Variants in RNF217 observed in about 807,000 individuals in gnomAD.
The protein encoded by RNF217 is ring finger protein 217.
Under a neutral mutation model 57.8 loss-of-function variants are expected in RNF217, and 31 were observed. That is an observed-to-expected ratio of 0.54 (90% CI 0.40 to 0.72). The LOEUF (loss-of-function observed/expected upper bound fraction) is 0.72, where lower values mean the gene tolerates loss of function less well. Ranked by LOEUF, RNF217 falls within the 30% of genes least tolerant of loss-of-function variation. The pLI is 0.00. For synonymous variants in RNF217, 313 were observed against 294.0 expected (o/e 1.06, Z -0.66); for missense variants, 696 against 708.3 (o/e 0.98, Z 0.20).
At chr6:124,998,756 C>T (rs527887402) in intron 1 of RNF217, among the ~76,000 whole-genome samples, 9 of 152,228 alleles carry the variant, frequency 5.9e-5, no homozygotes, top group African/African-American at 1.9e-4. Context: ...AGCCATCGCA[C>T]CACTGCACTC....
intron 1 of RNF217, among the ~76,000 whole-genome samples, chr6:124,981,952 C>T (rs1033566451): frequency 2.1e-5 from 3 of 145,290 alleles, no homozygotes; most frequent in Non-Finnish European, 4.5e-5. Flanking sequence ...CACTTGAACC[C>T]GGGAGGCAGA....
chr6:125,029,358 G>T (rs1786248673), intron 1 of RNF217, among the ~76,000 whole-genome samples: 1 of 151,994 alleles, frequency 6.6e-6, no homozygotes, highest in Non-Finnish European at 1.5e-5. Flanking sequence ...GTTCCTGGGG[G>T]ATATAAAGGA....
intron 2 of RNF217, among the ~76,000 whole-genome samples, chr6:125,056,609 A>G (rs986764326): frequency 2.0e-5 from 3 of 152,216 alleles, no homozygotes; most frequent in Non-Finnish European, 4.4e-5. Context: ...TAGTCTATAT[A>G]GTAGAACCTC....
intron 1 of RNF217, among the ~76,000 whole-genome samples, chr6:124,978,496 G>A (rs1218075451): frequency 6.6e-6 from 1 of 151,646 alleles, no homozygotes; most frequent in East Asian, 1.9e-4. Context: ...GGAGCCCCAA[G>A]GGGGGTTACA....
chr6:125,090,686 A>G lies in RNF217; in HGVS notation c.*7749A>G, dbSNP rs1329039253. 2 of 151,888 alleles carry G rather than the reference A, an allele frequency of 1.3e-5. No homozygotes were observed. The highest frequency in any genetic ancestry group is 2.9e-5 in the Non-Finnish European group (2 of 67,864). The allele number at this position is 151,888 out of a possible 1,614,324, so 9.4% of individuals were successfully genotyped here. On this transcript the variant is annotated 3_prime_UTR_variant, in exon 6 of 6. Transcript: ENST00000521654. ...ACCAGATCTTGTCCATCATTTCATTAGATTGCATATTTTTAGTTTTCTATA... is the reference window on the plus strand; with the variant it reads ...ACCAGATCTTGTCCATCATTTCATTGGATTGCATATTTTTAGTTTTCTATA...
At chr6:125,026,850 A>G (rs1051692804) in intron 1 of RNF217, among the ~76,000 whole-genome samples, 5 of 152,166 alleles carry the variant, frequency 3.3e-5, no homozygotes, top group Admixed American at 1.3e-4. Context: ...AATTAAAATG[A>G]ACTGTGATAT....
chr6:125,073,311 G>T (rs1788221229), intron 3 of RNF217, among the ~76,000 whole-genome samples: 1 of 152,096 alleles, frequency 6.6e-6, no homozygotes, highest in Non-Finnish European at 1.5e-5. Context: ...TGATAAACAT[G>T]AACAACAGAG....
chr6:125,052,753 A>G (rs115882461), intron 2 of RNF217, among the ~76,000 whole-genome samples: 157 of 152,210 alleles, frequency 1.0e-3, no homozygotes, highest in African/African-American at 3.6e-3. Flanking sequence ...TCTTCAAGAA[A>G]AGCATCTTCA....
Position 124,965,137 on chromosome 6 carries a change from AGTG to A in RNF217, c.882+1714_882+1716del, listed in dbSNP as rs564250541. On this transcript the variant is annotated intron_variant, in intron 1 of 5. Coordinates refer to ENST00000521654, the MANE Select transcript of RNF217 (RefSeq NM_001286398.3). ...GTAGGGAGACAGAGGGACATAGTCA[AGTG>A]GTCATTGCAGTGTACAGTACAACCA... is the stretch of plus-strand genomic sequence containing the variant. 2.5e-3 allele frequency among the ~76,000 whole-genome samples: 374 copies of A among 152,348 alleles called. 1 individual carries two copies. Among genetic ancestry groups the A allele is most frequent in the African/African-American group, 8.4e-3 (351 of 41,576 alleles).
Position 125,076,680 on chromosome 6 carries a change from A to T in RNF217, c.1305A>T (p.Gly435=). Residue 435 remains glycine, a synonymous_variant, in exon 4 of 6, where the codon GGA becomes GGT. Coordinates refer to ENST00000521654, the MANE Select transcript of RNF217 (RefSeq NM_001286398.3). ...AGATCCACATCCAGCGAACTGAAGG[A>T]TGTGACCATATGACCTGCTCACAAT... The part of the protein sequence containing the change: ...KCKIHIQRTE[G]CDHMTCSQCN... The T allele has an allele frequency of 6.2e-7, 1 of 1,611,344 alleles. No homozygotes were observed. The highest frequency in any genetic ancestry group is 1.1e-5 in the South Asian group (1 of 91,022).
intron 1 of RNF217, among the ~76,000 whole-genome samples, chr6:124,976,742 T>A (rs545387155): frequency 6.1e-5 from 9 of 147,598 alleles, no homozygotes; most frequent in African/African-American, 1.8e-4. Context: ...TGGCCTCAAG[T>A]GATCCACCTG....
Position 125,070,789 on chromosome 6 carries a change from T to C in RNF217, c.1282-5868T>C, listed in dbSNP as rs527246879. ...CAAAAGTCATTGAAGGAAACACATATATAAAAATACTTTCAAAAATGAATT... is the reference window on the plus strand; with the variant it reads ...CAAAAGTCATTGAAGGAAACACATACATAAAAATACTTTCAAAAATGAATT... On this transcript the variant is annotated intron_variant, in intron 3 of 5. Coordinates refer to ENST00000521654, the MANE Select transcript of RNF217 (RefSeq NM_001286398.3). Among the ~76,000 whole-genome samples, 176 of 152,330 alleles carry C rather than the reference T, an allele frequency of 1.2e-3. 1 individual carries two copies. The highest frequency in any genetic ancestry group is 1.9e-3 in the Non-Finnish European group (127 of 68,022).
chr6:124,988,265 T>C (rs1391792627), intron 1 of RNF217, among the ~76,000 whole-genome samples: 1 of 152,136 alleles, frequency 6.6e-6, no homozygotes, highest in Non-Finnish European at 1.5e-5. Flanking sequence ...CAGTCCCTAG[T>C]GCCAAAAAGG....
At chr6:125,021,190 A>C (rs1053403229) in intron 1 of RNF217, among the ~76,000 whole-genome samples, 4 of 152,150 alleles carry the variant, frequency 2.6e-5, no homozygotes, top group African/African-American at 7.2e-5. Flanking sequence ...GTGGAGTTTA[A>C]CTGTGGTTCC....
intron 1 of RNF217, among the ~76,000 whole-genome samples, chr6:125,034,544 C>T (rs1010935045): frequency 5.3e-5 from 8 of 151,946 alleles, no homozygotes; most frequent in African/African-American, 1.7e-4. Context: ...TGTTCTGTTC[C>T]ATTGATCTAT....
chr6:124,976,408 A>G (rs903235711), intron 1 of RNF217, among the ~76,000 whole-genome samples: 1 of 152,046 alleles, frequency 6.6e-6, no homozygotes, highest in African/African-American at 2.4e-5. Flanking sequence ...AGCTGGGATC[A>G]CAGGTGTGTG....
intron 2 of RNF217, chr6:125,048,116 C>T: frequency 1.0e-6 from 1 of 998,496 alleles, no homozygotes; most frequent in South Asian, 1.5e-5. Flanking sequence ...CATTAACTAC[C>T]TGGTTTACAT....
At chr6:125,061,618 G>A (rs959872278) in intron 3 of RNF217, among the ~76,000 whole-genome samples, 13 of 150,104 alleles carry the variant, frequency 8.7e-5, no homozygotes, top group African/African-American at 2.9e-4. Context: ...TTATTTGAGT[G>A]GTAGGTTTTC....
intron 1 of RNF217, among the ~76,000 whole-genome samples, chr6:124,964,957 A>C (rs1405126933): frequency 1.3e-5 from 2 of 152,246 alleles, no homozygotes; most frequent in Non-Finnish European, 2.9e-5. Flanking sequence ...TAAATGCTGG[A>C]TACACATTCC....
Sources: gnomAD v4.1 joint callset for allele counts (sites outside exome capture counted in the v4.1 genomes callset) on GRCh38, gnomAD v4.1.1 for gene constraint, MANE v1.5 for transcripts, NCBI Gene and HGNC (gene_info 2026-07-23, HGNC 2026-07-21) for gene names.